The following WWOX variants were observed in gnomAD, a reference collection of about 807,000 sequenced individuals.
WWOX encodes the protein WW domain-containing oxidoreductase.
WWOX carries 69 observed loss-of-function variants against 46.2 expected under a neutral mutation model. The ratio of observed to expected loss-of-function variants is 1.49; its 90% CI spans 1.23 to 1.82. The LOEUF (loss-of-function observed/expected upper bound fraction) is 1.82. WWOX is among the 40% of genes most tolerant of loss of function. The pLI is 0.00. For synonymous variants in WWOX, 359 were observed against 202.6 expected (o/e 1.77, Z -6.56); for missense variants, 919 against 542.6 (o/e 1.69, Z -6.89).
chr16:79,063,237 A>G (rs967781873), intron 8 of WWOX, among the ~76,000 whole-genome samples: 4 of 152,212 alleles, frequency 2.6e-5, no homozygotes, highest in Non-Finnish European at 4.4e-5. Context: ...TGGATAAAAA[A>G]GCAACATTCG....
intron 8 of WWOX, among the ~76,000 whole-genome samples, chr16:78,539,983 A>ATCTCTCTCTCTCTTTC (rs1555558601): frequency 6.9e-6 from 1 of 143,918 alleles, no homozygotes; most frequent in African/African-American, 2.6e-5. Context: ...TTTCCAATAC[A>ATCTCTCTCTCTCTTTC]TCTCTCTCTC....
chr16:79,115,519 G>A (rs2049499121), intron 8 of WWOX, among the ~76,000 whole-genome samples: 1 of 152,058 alleles, frequency 6.6e-6, no homozygotes, highest in African/African-American at 2.4e-5. Context: ...CACAAACTGG[G>A]AGAAACCATC....
At chr16:78,837,541 T>C (rs2052023046) in intron 8 of WWOX, among the ~76,000 whole-genome samples, 1 of 152,138 alleles carries the variant, frequency 6.6e-6, no homozygotes, top group Non-Finnish European at 1.5e-5. Context: ...GTGGGATACT[T>C]TTTTTTATTA....
intron 6 of WWOX, among the ~76,000 whole-genome samples, chr16:78,395,094 C>G (rs554991575): frequency 6.6e-6 from 1 of 152,136 alleles, no homozygotes; most frequent in South Asian, 2.1e-4. Flanking sequence ...TCATCTTGAT[C>G]GTAAAATGAT....
intron 8 of WWOX, among the ~76,000 whole-genome samples, chr16:78,723,580 T>C (rs1420818814): frequency 3.3e-5 from 1 of 30,006 alleles, no homozygotes; most frequent in African/African-American, 2.9e-4. Flanking sequence ...TTCTTTTCTT[T>C]TCTTTTCTTT....
intron 8 of WWOX, among the ~76,000 whole-genome samples, chr16:79,046,629 C>T (rs1434381480): frequency 6.6e-6 from 1 of 152,114 alleles, no homozygotes; most frequent in Non-Finnish European, 1.5e-5. Context: ...ACAAAGCTTT[C>T]TGTCTCACCA....
chr16:79,013,144 G>A (rs1263277656), intron 8 of WWOX, among the ~76,000 whole-genome samples: 1 of 152,200 alleles, frequency 6.6e-6, no homozygotes, highest in African/African-American at 2.4e-5. Context: ...GTATCTCCCT[G>A]CCCTGGTCTG....
intron 8 of WWOX, among the ~76,000 whole-genome samples, chr16:78,923,957 G>A (rs1029334171): frequency 1.3e-5 from 2 of 151,786 alleles, no homozygotes; most frequent in African/African-American, 2.4e-5. Flanking sequence ...CCGCCACCAC[G>A]CCTGGCTAAT....
At chr16:78,117,124 C>T (rs1344424175) in intron 4 of WWOX, among the ~76,000 whole-genome samples, 3 of 152,138 alleles carry the variant, frequency 2.0e-5, no homozygotes, top group Middle Eastern at 3.2e-3. Flanking sequence ...TGGAGTAAAG[C>T]CAGAAACTCT....
chr16:78,504,482 C>A (rs1243851156), intron 8 of WWOX, among the ~76,000 whole-genome samples: 1 of 152,162 alleles, frequency 6.6e-6, no homozygotes, highest in African/African-American at 2.4e-5. Flanking sequence ...GGGTTTCCAC[C>A]TCGCAGTTTT....
chr16:78,468,790 C>G (rs1236362816), intron 8 of WWOX, among the ~76,000 whole-genome samples: 1 of 152,184 alleles, frequency 6.6e-6, no homozygotes. Flanking sequence ...CAGCAACAAT[C>G]TATATTCTGA....
chr16:78,113,202 C>T (rs1006438154), intron 3 of WWOX, among the ~76,000 whole-genome samples: 1 of 152,130 alleles, frequency 6.6e-6, no homozygotes, highest in Non-Finnish European at 1.5e-5. Context: ...AGGCCCCCAC[C>T]CCAGACCTAC....
chr16:79,178,410 G>C (rs1297591843), intron 8 of WWOX, among the ~76,000 whole-genome samples: 1 of 152,022 alleles, frequency 6.6e-6, no homozygotes. Flanking sequence ...TCAACCTCCT[G>C]GGATCAAGCA....
At chr16:78,360,530 A>C (rs1202158592) in intron 5 of WWOX, among the ~76,000 whole-genome samples, 1 of 147,374 alleles carries the variant, frequency 6.8e-6, no homozygotes, top group Non-Finnish European at 1.5e-5. Context: ...GGCTGCAGTG[A>C]GCCAAGCGGA....
chr16:78,498,523 G>T (rs2084976082), intron 8 of WWOX, among the ~76,000 whole-genome samples: 1 of 152,146 alleles, frequency 6.6e-6, no homozygotes, highest in African/African-American at 2.4e-5. Flanking sequence ...ATGAGGAGTT[G>T]AAGGTGACAG....
intron 8 of WWOX, among the ~76,000 whole-genome samples, chr16:78,834,352 G>A (rs1054807558): frequency 5.3e-5 from 8 of 152,168 alleles, no homozygotes; most frequent in Non-Finnish European, 7.3e-5. Context: ...TGAGCTACGG[G>A]AAAGTTTCCA....
At chr16:79,085,533 A>C (rs898822051) in intron 8 of WWOX, among the ~76,000 whole-genome samples, 3 of 152,174 alleles carry the variant, frequency 2.0e-5, no homozygotes, top group African/African-American at 7.2e-5. Flanking sequence ...ATTTCCTATA[A>C]AGAAAATTTC....
rs1400541773 is a variant in WWOX, at chr16:78,450,187, T to C, written c.1056+17435T>C. Among the ~76,000 whole-genome samples, 4 of 152,188 alleles carry C rather than the reference T, an allele frequency of 2.6e-5. 1 individual carries two copies. The highest frequency in any genetic ancestry group is 9.6e-5 in the African/African-American group (4 of 41,466). ...AAATTCAAATTTCCCCTATGAAATATCAAGCTCTTTTTATGCTTCTTCACA... is the reference window on the plus strand; with the variant it reads ...AAATTCAAATTTCCCCTATGAAATACCAAGCTCTTTTTATGCTTCTTCACA... On this transcript the variant is annotated intron_variant, in intron 8 of 8. Coordinates refer to ENST00000566780, the MANE Select transcript of WWOX (RefSeq NM_016373.4).
At chr16:78,405,907 A>G (rs905124898) in intron 6 of WWOX, among the ~76,000 whole-genome samples, 3 of 152,158 alleles carry the variant, frequency 2.0e-5, no homozygotes, top group Admixed American at 6.5e-5. Context: ...CTGTCACGCC[A>G]TCTTATCTGT....
Sources: gnomAD v4.1 joint callset for allele counts (sites outside exome capture counted in the v4.1 genomes callset) on GRCh38, gnomAD v4.1.1 for gene constraint, MANE v1.5 for transcripts, NCBI Gene and HGNC (gene_info 2026-07-23, HGNC 2026-07-21) for gene names.